The following PDE1A variants were observed in gnomAD, a reference collection of about 807,000 sequenced individuals.
PDE1A encodes the protein dual specificity calcium/calmodulin-dependent 3',5'-cyclic nucleotide phosphodiesterase 1A.
In PDE1A, 35 loss-of-function variants were observed where a neutral mutation model predicts 61.7. That is an observed-to-expected ratio of 0.57 (90% confidence interval 0.43 to 0.75). The LOEUF (loss-of-function observed/expected upper bound fraction) is 0.75, where lower values mean the gene tolerates loss of function less well. Among genes scored for constraint, PDE1A ranks in the 30% least tolerant of loss-of-function variants. PDE1A has a pLI of 0.00. For missense variants in PDE1A, 597 were observed against 630.6 expected, an observed-to-expected ratio of 0.95 and a Z score of 0.57; for synonymous variants, 232 against 213.2, an observed-to-expected ratio of 1.09 and a Z score of -0.77.
chr2:182,447,066 T>A (rs961172812), intron 2 of PDE1A, among the ~76,000 whole-genome samples: 3 of 151,660 alleles, frequency 2.0e-5, no homozygotes, highest in Non-Finnish European at 4.4e-5. Context: ...TTGGTTAAGT[T>A]CAAAAGGACG....
the PDE1A span, among the ~76,000 whole-genome samples, chr2:182,535,804 T>C: frequency 2.6e-5 from 4 of 152,320 alleles, no homozygotes; most frequent in Non-Finnish European, 5.9e-5. Flanking sequence ...GCAACGTTAA[T>C]GCATATCCCC....
chr2:182,189,458 T>C, intron 10 of PDE1A, among the ~76,000 whole-genome samples: 1 of 152,232 alleles, frequency 6.6e-6, no homozygotes, highest in East Asian at 1.9e-4. Context: ...AGACCTTTAC[T>C]ATCAAAATTT....
intron 10 of PDE1A, among the ~76,000 whole-genome samples, chr2:182,197,386 A>G (rs1398049260): frequency 6.6e-6 from 1 of 151,616 alleles, no homozygotes. Flanking sequence ...TTGGAAGATC[A>G]GAAGTTTTGA....
At chr2:182,613,268 C>G in the PDE1A span, among the ~76,000 whole-genome samples, 2 of 151,994 alleles carry the variant, frequency 1.3e-5, no homozygotes, top group Non-Finnish European at 2.9e-5. Flanking sequence ...CAAATAACAT[C>G]ATTAAATAGG....
At chr2:182,305,579 CAA>C (rs1695526378) in intron 1 of PDE1A, among the ~76,000 whole-genome samples, 1 of 151,966 alleles carries the variant, frequency 6.6e-6, no homozygotes, top group Admixed American at 6.6e-5. Context: ...CTACAAATTG[CAA>C]GAGATTATCA....
chr2:182,413,459 A>G (rs1026003402), intron 1 of PDE1A, among the ~76,000 whole-genome samples: 3 of 152,200 alleles, frequency 2.0e-5, no homozygotes, highest in African/African-American at 4.8e-5. Flanking sequence ...AAAGGACTTG[A>G]TAATTGTTTT....
intron 2 of PDE1A, among the ~76,000 whole-genome samples, chr2:182,448,499 G>A (rs955395932): frequency 1.3e-5 from 2 of 152,022 alleles, no homozygotes; most frequent in Non-Finnish European, 2.9e-5. Context: ...CAACAGAAAT[G>A]TTGGGTTATG....
chr2:182,149,206 C>T (rs1690648452), intron 13 of PDE1A, among the ~76,000 whole-genome samples: 1 of 152,054 alleles, frequency 6.6e-6, no homozygotes, highest in Non-Finnish European at 1.5e-5. Flanking sequence ...CACTGGTTCT[C>T]AAAATTTTTT....
At chr2:182,596,679 CTGGATGGATGGATGGA>C in the PDE1A span, among the ~76,000 whole-genome samples, 5 of 149,108 alleles carry the variant, frequency 3.4e-5, no homozygotes, top group African/African-American at 9.9e-5. Flanking sequence ...GAATAATAAA[CTGGATGGATGGATGGA>C]TGGATGGATG....
intron 10 of PDE1A, 111 bp downstream of exon 10, chr2:182,201,328 G>C: frequency 7.6e-7 from 1 of 1,313,982 alleles, no homozygotes; most frequent in Non-Finnish European, 1.0e-6. Context: ...TGTGTAGGTG[G>C]CCAGTTGATA....
intron 1 of PDE1A, among the ~76,000 whole-genome samples, chr2:182,283,113 T>C (rs375334677): frequency 1.3e-4 from 20 of 151,986 alleles, no homozygotes; most frequent in African/African-American, 4.1e-4. Flanking sequence ...TTTTCAAATC[T>C]TAAAGTATAA....
At chr2:182,571,837 C>T in the PDE1A span, among the ~76,000 whole-genome samples, 1 of 152,070 alleles carries the variant, frequency 6.6e-6, no homozygotes, top group African/African-American at 2.4e-5. Context: ...AATTCTAAAT[C>T]TACAACACAG....
At chr2:182,284,803 ATAAC>A (rs1379168690) in intron 1 of PDE1A, among the ~76,000 whole-genome samples, 9 of 152,260 alleles carry the variant, frequency 5.9e-5, no homozygotes, top group Admixed American at 4.6e-4. Flanking sequence ...TAAAACAATA[ATAAC>A]TAACATTTAT....
At chr2:182,625,048 G>C in the PDE1A span, among the ~76,000 whole-genome samples, 2 of 152,154 alleles carry the variant, frequency 1.3e-5, no homozygotes, top group African/African-American at 4.8e-5. Flanking sequence ...GAGATCGTGA[G>C]AATGGTAGAA....
At chr2:182,423,455 T>C (rs1290676909) in intron 1 of PDE1A, among the ~76,000 whole-genome samples, 1 of 152,184 alleles carries the variant, frequency 6.6e-6, no homozygotes, top group Non-Finnish European at 1.5e-5. Context: ...GTTCACCATC[T>C]ACTCCAAAAC....
the PDE1A span, among the ~76,000 whole-genome samples, chr2:182,638,410 C>A: frequency 6.6e-6 from 1 of 151,984 alleles, no homozygotes; most frequent in East Asian, 1.9e-4. Context: ...ATGGCGGGTG[C>A]CTGTAATCCC....
chr2:182,423,036 C>T (rs1392436852), intron 1 of PDE1A, among the ~76,000 whole-genome samples: 1 of 152,172 alleles, frequency 6.6e-6, no homozygotes, highest in Non-Finnish European at 1.5e-5. Flanking sequence ...CAGGCAGAAT[C>T]ACAGCGTGCC....
the PDE1A span, among the ~76,000 whole-genome samples, chr2:182,649,972 G>A: frequency 3.9e-5 from 6 of 151,968 alleles, no homozygotes; most frequent in Admixed American, 3.3e-4. Flanking sequence ...TCAGCTACTC[G>A]GAAGGTTGAG....
At chr2:182,594,911 G>A in the PDE1A span, among the ~76,000 whole-genome samples, 1 of 152,178 alleles carries the variant, frequency 6.6e-6, no homozygotes, top group South Asian at 2.1e-4. Flanking sequence ...GAATTGCAGG[G>A]ATTCAATGGA....
Sources: gnomAD v4.1 joint callset for allele counts (sites outside exome capture counted in the v4.1 genomes callset) on GRCh38, gnomAD v4.1.1 for gene constraint, MANE v1.5 for transcripts, NCBI Gene and HGNC (gene_info 2026-07-23, HGNC 2026-07-21) for gene names.